The following DPYD variants were observed in gnomAD, a reference collection of about 807,000 sequenced individuals.
DPYD encodes dihydropyrimidine dehydrogenase, also known as dihydropyrimidine dehydrogenase [NADP(+)].
A neutral mutation model predicts 116.2 loss-of-function variants in DPYD; 109 were observed. The observed-to-expected ratio is 0.94, with a 90% CI of 0.80 to 1.10. The LOEUF is 1.10. DPYD is among the 50% of genes least tolerant of loss of function. The pLI, the probability that DPYD is intolerant of heterozygous loss-of-function variation, is 0.00. For missense variants in DPYD, 1,302 were observed against 1,254.5 expected, an observed-to-expected ratio of 1.04 and a Z score of -0.57; for synonymous variants, 440 against 432.0, an observed-to-expected ratio of 1.02 and a Z score of -0.23.
intron 7 of DPYD, among the ~76,000 whole-genome samples, chr1:97,683,555 T>C (rs1305652374): frequency 1.3e-5 from 2 of 151,978 alleles, no homozygotes; most frequent in Non-Finnish European, 2.9e-5. Flanking sequence ...TTCATTCATA[T>C]TTTATACTTT....
At chr1:97,152,439 TACACACACACAC>T (rs71590217) in intron 20 of DPYD, among the ~76,000 whole-genome samples, 3 of 145,344 alleles carry the variant, frequency 2.1e-5, no homozygotes, top group South Asian at 2.2e-4. Flanking sequence ...CTGAATCACA[TACACACACACAC>T]ACACACACAC....
At chr1:97,575,871 T>C (rs982637109) in intron 10 of DPYD, among the ~76,000 whole-genome samples, 4 of 152,196 alleles carry the variant, frequency 2.6e-5, no homozygotes, top group Non-Finnish European at 5.9e-5. Flanking sequence ...ATTTAGCATA[T>C]AGAAGGCTAT....
chr1:97,547,040 A>C, intron 12 of DPYD: 1 of 1,229,960 alleles, frequency 8.1e-7, no homozygotes, highest in Non-Finnish European at 1.2e-6. Flanking sequence ...CATAAACCAG[A>C]AACAGTACAG....
chr1:97,920,870 C>CG lies in DPYD; in HGVS notation c.39+13dup. 1 of 1,589,590 alleles carries CG rather than the reference C, an allele frequency of 6.3e-7. No individual in the cohort carries two copies. Among genetic ancestry groups the CG allele is most frequent in the Non-Finnish European group, 8.6e-7 (1 of 1,168,564 alleles). On this transcript the variant is annotated intron_variant, in intron 1 of 22. Transcript: ENST00000370192. ...CACCCCGCCACCACCGACGAGCCGG[C>CG]GCGAAGTCCGTACCTCGATGTCCGC...
At chr1:97,507,567 A>G (rs1384825302) in intron 13 of DPYD, among the ~76,000 whole-genome samples, 1 of 151,974 alleles carries the variant, frequency 6.6e-6, no homozygotes, top group Non-Finnish European at 1.5e-5. Context: ...GGTTTCCAAA[A>G]TGAGTTTCAA....
At chr1:97,390,793 A>T (rs1333537252) in intron 14 of DPYD, among the ~76,000 whole-genome samples, 1 of 151,996 alleles carries the variant, frequency 6.6e-6, no homozygotes, top group African/African-American at 2.4e-5. Flanking sequence ...CAACCACTGT[A>T]CCACTCTAGG....
At chr1:97,322,586 A>G (rs1668361968) in intron 16 of DPYD, 1 of 152,054 alleles carries the variant, frequency 6.6e-6, no homozygotes, top group Admixed American at 6.6e-5. Flanking sequence ...TAAAATCTTT[A>G]GCAATCTTGA....
chr1:97,725,883 G>T (rs2101037099), intron 4 of DPYD, among the ~76,000 whole-genome samples: 1 of 151,540 alleles, frequency 6.6e-6, no homozygotes, highest in East Asian at 1.9e-4. Context: ...TGATAAAATT[G>T]TTCTCAAATT....
intron 8 of DPYD, among the ~76,000 whole-genome samples, chr1:97,602,831 G>T (rs1655346192): frequency 6.6e-6 from 1 of 151,738 alleles, no homozygotes; most frequent in Admixed American, 6.6e-5. Context: ...TTATAATATT[G>T]CAATTTGCTT....
At position 97,701,187 on chromosome 1, in the gene DPYD, C is replaced by CATATATATATTATATATATATATGAA. The variant is rs1331860186; in HGVS notation, c.484-1666_484-1641dup. ...AACACTAACCAAAAGAAAGCTGGTA[C>CATATATATATTATATATATATATGAA]ATATATATATTATATATATATATGA... On this transcript the variant is annotated intron_variant, in intron 5 of 22. Coordinates refer to ENST00000370192, the MANE Select transcript of DPYD (RefSeq NM_000110.4). Among the ~76,000 whole-genome samples, 28 of 147,030 alleles carry CATATATATATTATATATATATATGAA rather than the reference C, an allele frequency of 1.9e-4. No individual in the cohort carries two copies. In the South Asian group the frequency reaches 5.1e-3, roughly 27 times the overall value.
chr1:97,631,898 A>G (rs1411075990), intron 8 of DPYD, among the ~76,000 whole-genome samples: 1 of 152,044 alleles, frequency 6.6e-6, no homozygotes, highest in Non-Finnish European at 1.5e-5. Context: ...TAGTTTTTAA[A>G]AATGATTTTT....
At chr1:97,080,927 AAGAT>A (rs1649106915) in intron 22 of DPYD, among the ~76,000 whole-genome samples, 1 of 152,134 alleles carries the variant, frequency 6.6e-6, no homozygotes. Flanking sequence ...CATAAGTTCT[AAGAT>A]TTAAGATATT....
At chr1:97,291,582 C>T (rs556068609) in intron 18 of DPYD, among the ~76,000 whole-genome samples, 30 of 151,608 alleles carry the variant, frequency 2.0e-4, no homozygotes, top group African/African-American at 7.0e-4. Context: ...TAAACTATCG[C>T]AAGGACAAAA....
chr1:97,652,381 G>C (rs939083904), intron 8 of DPYD, among the ~76,000 whole-genome samples: 3 of 152,152 alleles, frequency 2.0e-5, no homozygotes, highest in Admixed American at 2.0e-4. Context: ...TGAATAAAAA[G>C]GAAATAGTTT....
intron 21 of DPYD, among the ~76,000 whole-genome samples, chr1:97,083,220 TAAAAC>T (rs1405536735): frequency 6.6e-6 from 1 of 152,146 alleles, no homozygotes; most frequent in Non-Finnish European, 1.5e-5. Flanking sequence ...TTTTGCTTCA[TAAAAC>T]AAAACAAAAG....
chr1:97,884,015 T>A (rs985199658), intron 1 of DPYD: 2 of 284,104 alleles, frequency 7.0e-6, no homozygotes, highest in Non-Finnish European at 1.4e-5. Context: ...TTAGAAAAAA[T>A]CTAATAATGT....
At chr1:97,101,401 G>T (rs773651715) in intron 20 of DPYD, among the ~76,000 whole-genome samples, 4 of 138,408 alleles carry the variant, frequency 2.9e-5, no homozygotes. Flanking sequence ...ATTCTCTCCC[G>T]CAACAAAGGA....
At chr1:97,707,297 A>T (rs1208953233) in intron 5 of DPYD, among the ~76,000 whole-genome samples, 4 of 151,604 alleles carry the variant, frequency 2.6e-5, no homozygotes, top group African/African-American at 9.7e-5. Context: ...ATGAGCATAT[A>T]TTTTTTTTAT....
rs550611747 is a variant in DPYD at position 97,824,997 on chromosome 1, A to G, written c.233+3117T>C. Among the ~76,000 whole-genome samples, 4 of 152,300 alleles carry G rather than the reference A, an allele frequency of 2.6e-5. No homozygotes were observed. The East Asian group carries it at 7.7e-4, about 29-fold the overall frequency. On this transcript the variant is annotated intron_variant, in intron 3 of 22. Coordinates refer to ENST00000370192, the MANE Select transcript of DPYD (RefSeq NM_000110.4). ...TTGCACATTTACACGAGTTAACCTC[A>G]GCTATCTCACAGTCACCTGAAAACC...
Sources: gnomAD v4.1 joint callset for allele counts (sites outside exome capture counted in the v4.1 genomes callset) on GRCh38, gnomAD v4.1.1 for gene constraint, MANE v1.5 for transcripts, NCBI Gene and HGNC (gene_info 2026-07-23, HGNC 2026-07-21) for gene names.